Variants in ADAMTS6 observed in about 807,000 individuals in gnomAD.
The protein encoded by ADAMTS6 is A disintegrin and metalloproteinase with thrombospondin motifs 6.
ADAMTS6 carries 23 observed loss-of-function variants against 144.3 expected under a neutral mutation model. That is an observed-to-expected ratio of 0.16 (90% CI 0.11 to 0.23). The LOEUF (loss-of-function observed/expected upper bound fraction) is 0.23. Ranked by LOEUF, ADAMTS6 falls within the 10% of genes least tolerant of loss-of-function variation. ADAMTS6 has a pLI of 1.00. For missense variants in ADAMTS6, 999 were observed against 1,379.6 expected (o/e 0.72, Z 4.37); for synonymous variants, 444 against 457.5 (o/e 0.97, Z 0.38).
chr5:65,452,089 CCTT>C (rs1397662535), intron 6 of ADAMTS6, 41 bp downstream of exon 6: 1 of 1,388,126 alleles, frequency 7.2e-7, no homozygotes, highest in Non-Finnish European at 9.7e-7. Flanking sequence ...AGCTCTATAG[CCTT>C]CTGTTAACAA....
intron 7 of ADAMTS6, among the ~76,000 whole-genome samples, chr5:65,417,144 T>C (rs982105266): frequency 6.6e-6 from 1 of 152,160 alleles, no homozygotes; most frequent in East Asian, 1.9e-4. Context: ...ATTATCTCAA[T>C]AGACACAGAA....
At position 65,385,177 on chromosome 5, in the gene ADAMTS6, T is replaced by G. The variant is rs190250226; in HGVS notation, c.1074-51092A>C. Reference sequence around the variant, plus strand: ...GGACATACATTCAGATCATAGCACATTGTATCTTGTTTTCTCCTGCACAGA... The same window carrying G: ...GGACATACATTCAGATCATAGCACAGTGTATCTTGTTTTCTCCTGCACAGA... On this transcript the variant is annotated intron_variant, in intron 7 of 24. Coordinates refer to ENST00000381055, the MANE Select transcript of ADAMTS6 (RefSeq NM_197941.4). Among the ~76,000 whole-genome samples the G allele has an allele frequency of 4.6e-5, 7 of 152,286 alleles. 1 individual carries two copies. Among genetic ancestry groups the G allele is most frequent in the Admixed American group, 2.6e-4 (4 of 15,296 alleles).
intron 9 of ADAMTS6, among the ~76,000 whole-genome samples, chr5:65,314,133 C>T (rs1370124762): frequency 9.2e-5 from 14 of 152,010 alleles, no homozygotes; most frequent in Non-Finnish European, 1.9e-4. Context: ...AAACAACATG[C>T]AAGAAGAGAT....
Position 65,300,184 on chromosome 5 carries a change from C to T in ADAMTS6, c.1224-53G>A, listed in dbSNP as rs974394956. On this transcript the variant is annotated intron_variant, in intron 9 of 24. Transcript: ENST00000381055. ...TAAATAAATAAGAAAAAAACCCCAA[C>T]ACATCCCTTATTTCCTTATTTGGCC... The T allele has an allele frequency of 1.9e-6, 3 of 1,549,302 alleles. No individual in the cohort carries two copies. The African/African-American group carries it at 4.1e-5, about 21-fold the overall frequency.
intron 18 of ADAMTS6, among the ~76,000 whole-genome samples, chr5:65,223,937 C>T (rs1757520244): frequency 6.6e-6 from 1 of 151,640 alleles, no homozygotes; most frequent in African/African-American, 2.4e-5. Context: ...GTAGCTGGGA[C>T]TACAGGCGCC....
At chr5:65,326,315 C>T (rs762110782) in intron 9 of ADAMTS6, among the ~76,000 whole-genome samples, 1 of 152,028 alleles carries the variant, frequency 6.6e-6, no homozygotes, top group African/African-American at 2.4e-5. Context: ...TCATTAAGTG[C>T]CTTTGGCTTA....
At chr5:65,344,903 C>T (rs1436455117) in intron 7 of ADAMTS6, among the ~76,000 whole-genome samples, 3 of 151,790 alleles carry the variant, frequency 2.0e-5, no homozygotes, top group South Asian at 2.1e-4. Flanking sequence ...ACTAATTCTT[C>T]GGATTCTTTT....
At chr5:65,312,224 C>T (rs1026545597) in intron 9 of ADAMTS6, among the ~76,000 whole-genome samples, 1 of 151,634 alleles carries the variant, frequency 6.6e-6, no homozygotes, top group Non-Finnish European at 1.5e-5. Context: ...CTAAACTGTG[C>T]CACTGTAAAA....
intron 23 of ADAMTS6, 94 bp from the exon 24 acceptor site, chr5:65,170,867 G>A: frequency 1.5e-6 from 2 of 1,357,200 alleles, no homozygotes; most frequent in Non-Finnish European, 2.0e-6. Context: ...AACACAATAT[G>A]AACTTTTTTT....
intron 24 of ADAMTS6, among the ~76,000 whole-genome samples, chr5:65,155,422 C>T (rs529459897): frequency 2.6e-4 from 39 of 152,208 alleles, no homozygotes; most frequent in African/African-American, 8.9e-4. Flanking sequence ...TCCTGGGCTA[C>T]AAACCTGCAC....
At chr5:65,416,497 A>G (rs1755522125) in intron 7 of ADAMTS6, among the ~76,000 whole-genome samples, 1 of 152,240 alleles carries the variant, frequency 6.6e-6, no homozygotes, top group South Asian at 2.1e-4. Context: ...ATGACTATTA[A>G]TAGCAGCATT....
At chr5:65,219,361 C>G (rs186934652) in intron 18 of ADAMTS6, among the ~76,000 whole-genome samples, 139 of 152,210 alleles carry the variant, frequency 9.1e-4, no homozygotes, top group African/African-American at 3.2e-3. Flanking sequence ...CCCAACCCCC[C>G]CACCAAACTA....
At chr5:65,311,005 GAA>G (rs1000492036) in intron 9 of ADAMTS6, among the ~76,000 whole-genome samples, 3 of 145,990 alleles carry the variant, frequency 2.1e-5, no homozygotes, top group Non-Finnish European at 4.5e-5. Context: ...AGAGAAAAGT[GAA>G]AAAAAAAAGA....
At chr5:65,259,726 G>C (rs1021529954) in intron 14 of ADAMTS6, among the ~76,000 whole-genome samples, 9 of 152,124 alleles carry the variant, frequency 5.9e-5, no homozygotes, top group African/African-American at 2.2e-4. Context: ...AAAATAACTA[G>C]CATGGTTTTT....
At chr5:65,469,430 T>A (rs1429294806) in intron 3 of ADAMTS6, among the ~76,000 whole-genome samples, 2 of 152,176 alleles carry the variant, frequency 1.3e-5, no homozygotes, top group Non-Finnish European at 2.9e-5. Flanking sequence ...ACCTAGTCAA[T>A]AACTAGGAAT....
At chr5:65,469,247 T>C (rs1432363941) in intron 3 of ADAMTS6, among the ~76,000 whole-genome samples, 2 of 152,200 alleles carry the variant, frequency 1.3e-5, no homozygotes, top group Non-Finnish European at 2.9e-5. Context: ...CTCAATGCCA[T>C]AGTCTTCGAA....
intron 2 of ADAMTS6, among the ~76,000 whole-genome samples, chr5:65,472,492 G>A (rs1164455653): frequency 6.6e-6 from 1 of 152,168 alleles, no homozygotes; most frequent in Non-Finnish European, 1.5e-5. Flanking sequence ...TCTATGGTAT[G>A]TGTAGTAATA....
chr5:65,196,366 C>CA (rs923108337), intron 21 of ADAMTS6, among the ~76,000 whole-genome samples: 39 of 151,514 alleles, frequency 2.6e-4, no homozygotes, highest in Admixed American at 7.2e-4. Context: ...ACTAAAAATA[C>CA]AAAAAATTTA....
chr5:65,269,584 A>C (rs974372261), intron 12 of ADAMTS6, among the ~76,000 whole-genome samples: 44 of 152,188 alleles, frequency 2.9e-4, no homozygotes, highest in Admixed American at 4.6e-4. Context: ...AGAGAGGCAA[A>C]GATTTCAACT....
Sources: gnomAD v4.1 joint callset for allele counts (sites outside exome capture counted in the v4.1 genomes callset) on GRCh38, gnomAD v4.1.1 for gene constraint, MANE v1.5 for transcripts, NCBI Gene and HGNC (gene_info 2026-07-23, HGNC 2026-07-21) for gene names.